Variants in ZNF236 observed in about 807,000 individuals in gnomAD.
The protein encoded by ZNF236 is regulated by glucose.
ZNF236 carries 50 observed loss-of-function variants against 191.2 expected under a neutral mutation model. The ratio of observed to expected loss-of-function variants is 0.26; its 90% CI spans 0.21 to 0.33. The LOEUF is 0.33. Ranked by LOEUF, ZNF236 falls within the 10% of genes least tolerant of loss-of-function variation. The pLI, the probability that ZNF236 is intolerant of heterozygous loss-of-function variation, is 1.00. For missense variants in ZNF236, 1,754 were observed against 2,374.5 expected, an observed-to-expected ratio of 0.74 and a Z score of 5.43; for synonymous variants, 907 against 928.8, an observed-to-expected ratio of 0.98 and a Z score of 0.43.
At chr18:76,928,626 C>T (rs763513491) in intron 25 of ZNF236, among the ~76,000 whole-genome samples, 4 of 152,162 alleles carry the variant, frequency 2.6e-5, no homozygotes, top group Non-Finnish European at 4.4e-5. Context: ...CAATCTAATT[C>T]TCTCTGCCAG....
At chr18:76,830,596 A>G (rs1044613208) in intron 1 of ZNF236, among the ~76,000 whole-genome samples, 1 of 152,148 alleles carries the variant, frequency 6.6e-6, no homozygotes, top group Non-Finnish European at 1.5e-5. Flanking sequence ...GTCTTGGGCC[A>G]TACATAAAAT....
chr18:76,904,871 C>T (rs1224691926), intron 12 of ZNF236, among the ~76,000 whole-genome samples: 4 of 152,108 alleles, frequency 2.6e-5, no homozygotes, highest in Middle Eastern at 3.2e-3. Context: ...AAAAGGAAGT[C>T]GAACCTTGAT....
In ZNF236 at chr18:76,910,075, T is replaced by C; in HGVS notation, c.2559T>C (p.Phe853=). ...DQPLEADEDG[F]VAPQDPLRGH... ...TTTACATCTCATCCTCAGATGGGTT[T>C]GTGGCTCCACAGGACCCTCTGCGAG... The change falls in exon 15 of 31, where the codon TTT becomes TTC. Residue 853 remains phenylalanine, a synonymous_variant. Transcript: ENST00000320610. 6.2e-7 allele frequency: 1 copy of C among 1,610,744 alleles called. No individual in the cohort carries two copies. The highest frequency in any genetic ancestry group is 1.1e-5 in the South Asian group (1 of 90,886).
In ZNF236 at chr18:76,878,163, T is replaced by C; in HGVS notation, c.984+11T>C. On this transcript the variant is annotated intron_variant, in intron 7 of 30. Coordinates refer to ENST00000320610, the MANE Select transcript of ZNF236 (RefSeq NM_001306089.2). ...GCTCATGTTTTAACGGTAAGTTTAG[T>C]AATTTGGAAGAACTTCTTTTTAAAC... 1 of 1,597,248 alleles carries C rather than the reference T, an allele frequency of 6.3e-7. No individual in the cohort carries two copies. The highest frequency in any genetic ancestry group is 8.5e-7 in the Non-Finnish European group (1 of 1,170,180).
intron 7 of ZNF236, among the ~76,000 whole-genome samples, chr18:76,878,715 CCT>C (rs140958826): frequency 0.025 from 3,741 of 152,062 alleles, 55 homozygotes; most frequent in Non-Finnish European, 0.034. Flanking sequence ...ACTGCACTAC[CCT>C]CTCAACAGAT....
intron 11 of ZNF236, among the ~76,000 whole-genome samples, chr18:76,902,467 T>A (rs1977623825): frequency 6.6e-6 from 1 of 152,190 alleles, no homozygotes; most frequent in Admixed American, 6.5e-5. Context: ...CATCCAGGGT[T>A]CTGCCATCAC....
In ZNF236 at chr18:76,968,288, G is replaced by A. The variant is rs1188942154; in HGVS notation, c.5493G>A (p.Glu1831=). 3.7e-6 allele frequency: 6 copies of A among 1,611,040 alleles called. No individual in the cohort carries two copies. The highest frequency in any genetic ancestry group is 5.1e-6 in the Non-Finnish European group (6 of 1,179,218). Reference sequence around the variant, plus strand: ...TGAGCCGGACCCTCCACCTGGAGGAGGTGGTGCAGGAGGCCGCCGGCGAGT... The same window carrying A: ...TGAGCCGGACCCTCCACCTGGAGGAAGTGGTGCAGGAGGCCGCCGGCGAGT... The part of the protein sequence containing the change: ...EELSRTLHLE[E]VVQEAAGEWQ... The change falls in exon 31 of 31, where the codon GAG becomes GAA. Residue 1831 remains glutamate, a synonymous_variant. Transcript: ENST00000320610.
chr18:76,895,761 A>ACCACACGTG, intron 10 of ZNF236, among the ~76,000 whole-genome samples: 1 of 145,722 alleles, frequency 6.9e-6, no homozygotes, highest in African/African-American at 2.5e-5. Context: ...ATTGCCCAAA[A>ACCACACGTG]GTACCAAACA....
chr18:76,839,052 G>A (rs142304777), intron 1 of ZNF236, among the ~76,000 whole-genome samples: 1 of 152,330 alleles, frequency 6.6e-6, no homozygotes, highest in East Asian at 1.9e-4. Context: ...TTTATGTAGA[G>A]CAGAAGTTTG....
chr18:76,838,694 A>G (rs142139662), intron 1 of ZNF236, among the ~76,000 whole-genome samples: 18 of 152,366 alleles, frequency 1.2e-4, no homozygotes, highest in African/African-American at 4.1e-4. Flanking sequence ...AGGAAGAGAA[A>G]AGAAAGTTAT....
intron 1 of ZNF236, among the ~76,000 whole-genome samples, chr18:76,840,101 A>G (rs533443564): frequency 4.6e-5 from 7 of 152,312 alleles, no homozygotes; most frequent in Middle Eastern, 3.4e-3. Context: ...TGTGTAGTGC[A>G]TGAATATACA....
At chr18:76,866,534 T>G (rs116933138) in intron 3 of ZNF236, among the ~76,000 whole-genome samples, 2,559 of 152,316 alleles carry the variant, frequency 0.017, 30 homozygotes, top group Middle Eastern at 0.02. Flanking sequence ...GCAGCCTTGA[T>G]GCAGTCAGTA....
intron 1 of ZNF236, among the ~76,000 whole-genome samples, chr18:76,842,149 C>G (rs1478882044): frequency 1.3e-5 from 2 of 152,140 alleles, no homozygotes; most frequent in East Asian, 3.8e-4. Context: ...CTTAATTTCT[C>G]TGGATGTTAG....
intron 19 of ZNF236, among the ~76,000 whole-genome samples, chr18:76,918,990 GTTTTA>G (rs1190839255): frequency 6.6e-6 from 1 of 152,162 alleles, no homozygotes; most frequent in Non-Finnish European, 1.5e-5. Flanking sequence ...TATTTTTAAA[GTTTTA>G]TTTTCTTCTT....
chr18:76,895,616 C>G (rs989677646), intron 10 of ZNF236, among the ~76,000 whole-genome samples: 3 of 151,716 alleles, frequency 2.0e-5, no homozygotes, highest in Non-Finnish European at 1.5e-5. Flanking sequence ...AGGTACTGCA[C>G]ACAGTATGCA....
chr18:76,909,807 ATGTAAT>A (rs1355193289), intron 14 of ZNF236, among the ~76,000 whole-genome samples: 1 of 152,228 alleles, frequency 6.6e-6, no homozygotes, highest in East Asian at 1.9e-4. Flanking sequence ...CAATTATGGA[ATGTAAT>A]AGCATTTTAG....
At chr18:76,878,947 C>A (rs1472185669) in intron 7 of ZNF236, among the ~76,000 whole-genome samples, 1 of 151,822 alleles carries the variant, frequency 6.6e-6, no homozygotes, top group Non-Finnish European at 1.5e-5. Flanking sequence ...TTTCTTTTTT[C>A]ATAATATTTG....
At chr18:76,855,465 A>G (rs534394782) in intron 3 of ZNF236, among the ~76,000 whole-genome samples, 108 of 152,286 alleles carry the variant, frequency 7.1e-4, no homozygotes, top group African/African-American at 2.5e-3. Context: ...CTGTACCCTT[A>G]TTAGTCAACC....
At chr18:76,837,181 C>T (rs1975360224) in intron 1 of ZNF236, among the ~76,000 whole-genome samples, 1 of 141,364 alleles carries the variant, frequency 7.1e-6, no homozygotes, top group South Asian at 2.3e-4. Context: ...CAGGCATGTG[C>T]TGCCATGCCC....
Sources: gnomAD v4.1 joint callset for allele counts (sites outside exome capture counted in the v4.1 genomes callset) on GRCh38, gnomAD v4.1.1 for gene constraint, MANE v1.5 for transcripts, NCBI Gene and HGNC (gene_info 2026-07-23, HGNC 2026-07-21) for gene names.